CHLSN: variants seen among roughly 807,000 people sequenced by gnomAD.
CHLSN encodes the protein cholesin, also known as protein cholesin.
the CHLSN span, among the ~76,000 whole-genome samples, chr7:1,133,360 T>C: frequency 5.7e-5 from 8 of 140,690 alleles, no homozygotes; most frequent in Non-Finnish European, 1.2e-4. Context: ...AATTAGATTG[T>C]GGTGATGGTT....
At chr7:1,014,457 G>A in the CHLSN span, among the ~76,000 whole-genome samples, 3 of 152,222 alleles carry the variant, frequency 2.0e-5, no homozygotes, top group Non-Finnish European at 2.9e-5. Context: ...TGTGTGACAC[G>A]GGCCCTGTGT....
At chr7:1,136,115 CATAAATATAT>C in the CHLSN span, among the ~76,000 whole-genome samples, 8 of 74,136 alleles carry the variant, frequency 1.1e-4, no homozygotes, top group South Asian at 4.5e-4. Flanking sequence ...AATATATATA[CATAAATATAT>C]ATAAATATAT....
the CHLSN span, chr7:1,026,819 C>A: frequency 2.6e-5 from 4 of 152,284 alleles, no homozygotes; most frequent in Admixed American, 2.6e-4. Context: ...AACAAAGCTA[C>A]GTGGATTTTC....
the CHLSN span, among the ~76,000 whole-genome samples, chr7:1,075,739 A>T: frequency 6.7e-6 from 1 of 150,274 alleles, no homozygotes; most frequent in East Asian, 2.0e-4. Context: ...CAGCCTCCCG[A>T]GTAGCTGGGA....
chr7:1,070,986 G>A, the CHLSN span, among the ~76,000 whole-genome samples: 1 of 148,556 alleles, frequency 6.7e-6, no homozygotes, highest in African/African-American at 2.5e-5. Context: ...ATGCACACGG[G>A]CACACACACA....
At chr7:1,075,772 C>T in the CHLSN span, among the ~76,000 whole-genome samples, 1 of 151,784 alleles carries the variant, frequency 6.6e-6, no homozygotes, top group African/African-American at 2.4e-5. Flanking sequence ...GCCACCACTC[C>T]CAGCTAATTT....
chr7:1,056,436 C>T, the CHLSN span: 1 of 152,456 alleles, frequency 6.6e-6, no homozygotes, highest in Non-Finnish European at 1.5e-5. Flanking sequence ...CCCGTCCTGC[C>T]CACCAGCCTC....
the CHLSN span, among the ~76,000 whole-genome samples, chr7:1,079,588 G>A: frequency 6.6e-6 from 1 of 152,252 alleles, no homozygotes; most frequent in African/African-American, 2.4e-5. Flanking sequence ...CCAGCGTGCT[G>A]AGGGAATCTG....
At chr7:991,956 C>T in the CHLSN span, among the ~76,000 whole-genome samples, 1 of 152,182 alleles carries the variant, frequency 6.6e-6, no homozygotes, top group Non-Finnish European at 1.5e-5. Flanking sequence ...TATCCACGCA[C>T]CTGCCAATGG....
chr7:1,115,015 T>C, the CHLSN span, among the ~76,000 whole-genome samples: 1 of 152,238 alleles, frequency 6.6e-6, no homozygotes, highest in Non-Finnish European at 1.5e-5. Flanking sequence ...GGGGTCCTGT[T>C]TCGCCTTTGT....
chr7:1,027,927 G>A, the CHLSN span, among the ~76,000 whole-genome samples: 3 of 152,194 alleles, frequency 2.0e-5, no homozygotes, highest in Non-Finnish European at 2.9e-5. Context: ...GAGCCTGGCC[G>A]GTTGCGGGGC....
At chr7:1,011,006 C>G in the CHLSN span, among the ~76,000 whole-genome samples, 4 of 151,822 alleles carry the variant, frequency 2.6e-5, no homozygotes, top group Non-Finnish European at 4.4e-5. Flanking sequence ...GCATCCCACC[C>G]CAGGGAGAGC....
chr7:1,092,848 G>A, the CHLSN span: 2 of 1,612,154 alleles, frequency 1.2e-6, no homozygotes, highest in African/African-American at 1.3e-5. Context: ...GTTCAGCAGT[G>A]CCGTGTAGAC....
chr7:1,045,736 T>G, the CHLSN span: 1 of 152,264 alleles, frequency 6.6e-6, no homozygotes, highest in African/African-American at 2.4e-5. Flanking sequence ...GTTGTCTTCC[T>G]CAATGAAGAA....
the CHLSN span, among the ~76,000 whole-genome samples, chr7:980,740 T>G: frequency 2.1e-5 from 3 of 143,540 alleles, no homozygotes; most frequent in East Asian, 2.1e-4. Context: ...CAGGCTGGAG[T>G]GCAGTGGTGC....
At chr7:1,075,608 CT>C in the CHLSN span, among the ~76,000 whole-genome samples, 63,266 of 136,132 alleles carry the variant, frequency 0.46, 14,476 homozygotes, top group Non-Finnish European at 0.53. Flanking sequence ...AATCGGGTCA[CT>C]TTTTTTTTTT....
the CHLSN span, among the ~76,000 whole-genome samples, chr7:1,134,855 C>G: frequency 6.6e-6 from 1 of 152,028 alleles, no homozygotes; most frequent in Non-Finnish European, 1.5e-5. Flanking sequence ...CCAGCCTGGG[C>G]TACAGAGTGA....
At chr7:989,982 TGGGGGC>T in the CHLSN span, among the ~76,000 whole-genome samples, 1 of 100,374 alleles carries the variant, frequency 1.0e-5, no homozygotes, top group African/African-American at 4.3e-5. Flanking sequence ...GCGCGTGTGC[TGGGGGC>T]GGTGTGGTCG....
the CHLSN span, chr7:997,826 T>G: frequency 6.2e-7 from 1 of 1,600,666 alleles, no homozygotes; most frequent in Non-Finnish European, 8.5e-7. Flanking sequence ...AGAGATCGAG[T>G]TGGTCAGGGG....
Sources: allele counts gnomAD v4.1 joint callset (sites outside exome capture counted in the v4.1 genomes callset), GRCh38; gene constraint gnomAD v4.1.1; transcripts MANE v1.5; gene names NCBI Gene and HGNC (gene_info 2026-07-23, HGNC 2026-07-21).